INTS7: variants seen among roughly 807,000 people sequenced by gnomAD.
The protein encoded by INTS7 is integrator complex subunit 7.
A neutral mutation model predicts 109.2 loss-of-function variants in INTS7; 46 were observed. The ratio of observed to expected loss-of-function variants is 0.42; its 90% confidence interval spans 0.33 to 0.54. The LOEUF is 0.54. Ranked by LOEUF, INTS7 falls within the 20% of genes least tolerant of loss-of-function variation. The pLI is 0.07. For missense variants in INTS7, 929 were observed against 1,132.4 expected, an observed-to-expected ratio of 0.82 and a Z score of 2.58; for synonymous variants, 412 against 402.9, an observed-to-expected ratio of 1.02 and a Z score of -0.27.
chr1:211,952,497 C>G, intron 17 of INTS7, 72 bp downstream of exon 17: 2 of 1,484,726 alleles, frequency 1.3e-6, no homozygotes, highest in Non-Finnish European at 1.8e-6. Flanking sequence ...TGAACTCACA[C>G]AGTAAGTGCC....
At position 211,942,210 on chromosome 1, in the gene INTS7, G is replaced by T; in HGVS notation, c.2602-99C>A. 1.5e-6 allele frequency: 2 copies of T among 1,320,574 alleles called. No individual in the cohort carries two copies. The highest frequency in any genetic ancestry group is 2.1e-6 in the Non-Finnish European group (2 of 955,290). 81.8% of individuals were successfully genotyped at this position (1,320,574 alleles called of 1,614,324 possible). A position where few individuals can be genotyped will look rare whatever the true frequency, so the allele number is the denominator to read the frequency against. On this transcript the variant is annotated intron_variant, in intron 19 of 19. Transcript: ENST00000366994. This position sits in a 1 kb window ranked among gnomAD's most constrained non-coding sequence, Gnocchi z 4.2. ...TCTAAGAGCTTATTTAGACCATGCA[G>T]ACAATAAAAAATTAGGTACTGCTAT...
rs774099051 is a variant in INTS7 at position 211,946,642 on chromosome 1, A to C, written c.2380T>G (p.Tyr794Asp). The change falls in exon 18 of 20, where the codon TAT becomes GAT. Residue 794 changes from tyrosine (Y) to aspartate (D), a missense_variant. This residue lies in a region of INTS7 where 787 missense variants were observed against 901.1 expected (regional missense o/e 0.87). Transcript: ENST00000366994. This position sits in a 1 kb window ranked among gnomAD's most constrained non-coding sequence, Gnocchi z 4.3. ...LLKVPLSFQR[Y>D]FFQKLQSTSI... ...GTAGACTGTAGTTTCTGGAAAAAAT[A>C]TCTCTGGAAAGAAAGGGGAACTTTC... is the stretch of plus-strand genomic sequence containing the variant. The C allele has an allele frequency of 1.6e-5, 26 of 1,613,056 alleles. No homozygotes were observed. Among genetic ancestry groups the C allele is most frequent in the Non-Finnish European group, 2.0e-5 (23 of 1,179,186 alleles).
chr1:212,004,455 T>C (rs148718876), intron 7 of INTS7, among the ~76,000 whole-genome samples: 2,157 of 152,258 alleles, frequency 0.014, 34 homozygotes, highest in Middle Eastern at 0.027. Context: ...TGTCAACATA[T>C]GTAAAAGAAA....
At chr1:211,978,948 A>G (rs938173847) in intron 10 of INTS7, among the ~76,000 whole-genome samples, 1 of 152,114 alleles carries the variant, frequency 6.6e-6, no homozygotes, top group African/African-American at 2.4e-5. Context: ...GTGTGTGTTG[A>G]GGCTACTGAG....
chr1:212,021,003 G>A lies in INTS7; in HGVS notation c.224+80C>T, dbSNP rs574892695. The A allele has an allele frequency of 1.1e-4, 146 of 1,333,070 alleles. No homozygotes were observed. In the African/African-American group the frequency reaches 2.0e-3, roughly 19 times the overall value. The allele number at this position is 1,333,070 out of a possible 1,614,324, so 82.6% of individuals were successfully genotyped here. A position where few individuals can be genotyped will look rare whatever the true frequency, so the allele number is the denominator to read the frequency against. ...ACTAACCAGGTGGAAGTACTAAAAG[G>A]CAAAAAGAAAAAGACCACAATATAA... On this transcript the variant is annotated intron_variant, in intron 2 of 19. Coordinates refer to ENST00000366994, the MANE Select transcript of INTS7 (RefSeq NM_015434.4).
chr1:211,984,482 C>A (rs548941351), intron 8 of INTS7, among the ~76,000 whole-genome samples: 1 of 152,240 alleles, frequency 6.6e-6, no homozygotes, highest in East Asian at 1.9e-4. Flanking sequence ...TACAACAGTA[C>A]AATTTAAAAA....
In INTS7 at chr1:211,946,571, A is replaced by C. The variant is rs766236827; in HGVS notation, c.2415+36T>G. 2 of 1,260,852 alleles carry C rather than the reference A, an allele frequency of 1.6e-6. No individual in the cohort carries two copies. Among genetic ancestry groups the C allele is most frequent in the Non-Finnish European group, 2.3e-6 (2 of 863,518 alleles). The allele number at this position is 1,260,852 out of a possible 1,614,324, so 78.1% of individuals were successfully genotyped here. On this transcript the variant is annotated intron_variant, in intron 18 of 19. Coordinates refer to ENST00000366994, the MANE Select transcript of INTS7 (RefSeq NM_015434.4). The surrounding 1 kb of genome is among the most constrained non-coding windows in gnomAD (Gnocchi z 4.3). ...AATCTTCAGAAGACACCTGGTTTTA[A>C]AACCTATATTAACCTTAGTATTCTT... is the stretch of plus-strand genomic sequence containing the variant.
At chr1:211,967,433 C>A (rs902162582) in intron 15 of INTS7, among the ~76,000 whole-genome samples, 3 of 117,662 alleles carry the variant, frequency 2.5e-5, no homozygotes, top group Non-Finnish European at 3.3e-5. Context: ...GCCTGGGCAA[C>A]AGAGTGAGAC....
intron 7 of INTS7, among the ~76,000 whole-genome samples, chr1:211,997,528 GAAAAAAAAA>G (rs71137714): frequency 6.8e-5 from 4 of 58,962 alleles, no homozygotes; most frequent in African/African-American, 1.4e-4. Flanking sequence ...TCTCCAAACA[GAAAAAAAAA>G]AAAAAAAAAA....
chr1:211,958,753 T>C (rs1191595664), intron 16 of INTS7, among the ~76,000 whole-genome samples: 1 of 152,172 alleles, frequency 6.6e-6, no homozygotes, highest in African/African-American at 2.4e-5. Context: ...AACTGCTTTG[T>C]TGATTATATT....
At chr1:211,975,739 G>T (rs1664391726) in intron 12 of INTS7, among the ~76,000 whole-genome samples, 2 of 152,162 alleles carry the variant, frequency 1.3e-5, no homozygotes, top group Non-Finnish European at 2.9e-5. Context: ...AGGGGAGAAG[G>T]CATAGTTGCA....
chr1:211,994,261 C>T (rs954005292), intron 7 of INTS7, among the ~76,000 whole-genome samples: 11 of 152,024 alleles, frequency 7.2e-5, no homozygotes, highest in African/African-American at 2.7e-4. Flanking sequence ...AAAATCAACA[C>T]CTTATTACTT....
At chr1:211,984,251 A>G (rs1005758286) in intron 8 of INTS7, among the ~76,000 whole-genome samples, 1 of 152,236 alleles carries the variant, frequency 6.6e-6, no homozygotes, top group Admixed American at 6.5e-5. Flanking sequence ...CTTTTTGTCC[A>G]TGTGATATGG....
At chr1:211,967,131 G>T (rs1378011389) in intron 15 of INTS7, among the ~76,000 whole-genome samples, 2 of 152,106 alleles carry the variant, frequency 1.3e-5, no homozygotes, top group Non-Finnish European at 2.9e-5. Context: ...ATTTGAAGTT[G>T]CTAATAAGAA....
At chr1:211,968,232 T>C (rs1001836937) in intron 14 of INTS7, among the ~76,000 whole-genome samples, 5 of 152,218 alleles carry the variant, frequency 3.3e-5, no homozygotes, top group African/African-American at 1.2e-4. Context: ...TTTTAGCGTC[T>C]TCAAGTTCCA....
chr1:211,968,082 T>TA, intron 14 of INTS7, 101 bp from the exon 15 acceptor site: 2 of 585,362 alleles, frequency 3.4e-6, no homozygotes, highest in Non-Finnish European at 2.9e-6. Context: ...CAATAACAAT[T>TA]CAAAAAAAAT....
In INTS7 at chr1:211,959,811, T is replaced by C. The variant is rs374658899; in HGVS notation, c.2183+6619A>G. On this transcript the variant is annotated intron_variant, in intron 16 of 19. Coordinates refer to ENST00000366994, the MANE Select transcript of INTS7 (RefSeq NM_015434.4). This position sits in a 1 kb window ranked among gnomAD's most constrained non-coding sequence, Gnocchi z 4.2. ...TGCCAGCGCCACGCCCCTATGCTTATACTACCACTAGTGCCATGGCGTGCA... is the reference window on the plus strand; with the variant it reads ...TGCCAGCGCCACGCCCCTATGCTTACACTACCACTAGTGCCATGGCGTGCA... Among the ~76,000 whole-genome samples, 9 of 152,288 alleles carry C rather than the reference T, an allele frequency of 5.9e-5. No homozygotes were observed. The South Asian group carries it at 1.9e-3, about 32-fold the overall frequency.
intron 7 of INTS7, among the ~76,000 whole-genome samples, chr1:212,002,944 C>T (rs1665739852): frequency 6.6e-6 from 1 of 152,200 alleles, no homozygotes; most frequent in Middle Eastern, 3.4e-3. Context: ...AGAGTAGAGA[C>T]AAATCTGCAG....
chr1:212,008,247 A>G (rs542900178), intron 5 of INTS7, among the ~76,000 whole-genome samples: 1 of 152,324 alleles, frequency 6.6e-6, no homozygotes, highest in South Asian at 2.1e-4. Context: ...GAATGAGATC[A>G]GAGTATTCCC....
Sources: allele counts gnomAD v4.1 joint callset (sites outside exome capture counted in the v4.1 genomes callset), GRCh38; gene constraint gnomAD v4.1.1; regional missense constraint gnomAD v4.1.1; non-coding constraint Gnocchi (gnomAD v3.1); transcripts MANE v1.5; gene names NCBI Gene and HGNC (gene_info 2026-07-23, HGNC 2026-07-21).